The following DTD1 variants were observed in gnomAD, a reference collection of about 807,000 sequenced individuals.
DTD1 encodes the protein D-aminoacyl-tRNA deacylase 1, also known as D-tyrosyl-tRNA deacylase 1 homolog.
In DTD1, 13 loss-of-function variants were observed where a neutral mutation model predicts 25.6. The observed-to-expected ratio is 0.51, with a 90% CI of 0.33 to 0.81. DTD1 has a LOEUF of 0.81. DTD1 is among the 30% of genes least tolerant of loss of function. The probability of loss-of-function intolerance (pLI) is 0.02; values close to 1 mark genes in which losing one functional copy is unlikely to be tolerated. For missense variants in DTD1, 193 were observed against 266.4 expected (o/e 0.72, Z 1.92); for synonymous variants, 110 against 103.6 (o/e 1.06, Z -0.37).
intron 4 of DTD1, among the ~76,000 whole-genome samples, chr20:18,716,631 C>G (rs1406882766): frequency 6.6e-6 from 1 of 152,106 alleles, no homozygotes; most frequent in Non-Finnish European, 1.5e-5. Context: ...ATAGGCCAGC[C>G]TGTGGTGTTG....
At chr20:18,683,776 C>T (rs1456937783) in intron 4 of DTD1, among the ~76,000 whole-genome samples, 2 of 152,188 alleles carry the variant, frequency 1.3e-5, no homozygotes, top group South Asian at 2.1e-4. Flanking sequence ...AGGTGGGATA[C>T]GCATGCTCCA....
chr20:18,727,023 C>T lies in DTD1; in HGVS notation c.478-17077C>T, dbSNP rs1236034939. 5.3e-5 allele frequency among the ~76,000 whole-genome samples: 8 copies of T among 152,324 alleles called. No individual in the cohort carries two copies. In the East Asian group the frequency reaches 1.5e-3, roughly 29 times the overall value. On this transcript the variant is annotated intron_variant, in intron 4 of 5. Coordinates refer to ENST00000377452, the MANE Select transcript of DTD1 (RefSeq NM_080820.6). The stretch of plus-strand genomic sequence containing the variant: ...GAGAGTCTGTGAGGACGGGTGGACT[C>T]TTGGGTGCTGGGACCCGTGGCTATG...
At chr20:18,761,184 G>C (rs896917917) in intron 5 of DTD1, among the ~76,000 whole-genome samples, 1 of 152,094 alleles carries the variant, frequency 6.6e-6, no homozygotes, top group Non-Finnish European at 1.5e-5. Context: ...TGCGCTTCCC[G>C]GGCGAGGCGA....
rs9917459 is a variant in DTD1 at position 18,745,935 on chromosome 20, A to G, written c.*19+1664A>G. ...AGTGAGGCTGGAAGCAGATAGGCCCATTAGGAGGTGATTGCAGAAGTCCAG... is the reference window on the plus strand; with the variant it reads ...AGTGAGGCTGGAAGCAGATAGGCCCGTTAGGAGGTGATTGCAGAAGTCCAG... On this transcript the variant is annotated intron_variant, in intron 5 of 5. Transcript: ENST00000377452. 3.8e-3 allele frequency among the ~76,000 whole-genome samples: 573 copies of G among 152,322 alleles called. 3 individuals are homozygous for G. Among genetic ancestry groups the G allele is most frequent in the African/African-American group, 0.013 (554 of 41,570 alleles).
chr20:18,705,489 G>A (rs954416543), intron 4 of DTD1, among the ~76,000 whole-genome samples: 2 of 152,166 alleles, frequency 1.3e-5, no homozygotes, highest in Non-Finnish European at 2.9e-5. Context: ...AGCTTTAGGT[G>A]TTGTTCAAAA....
At chr20:18,657,441 A>G (rs1319845819) in intron 4 of DTD1, among the ~76,000 whole-genome samples, 2 of 152,256 alleles carry the variant, frequency 1.3e-5, no homozygotes, top group Admixed American at 1.3e-4. Context: ...AACTCAGACC[A>G]TCACTTTTCT....
At chr20:18,631,496 A>C in intron 4 of DTD1, 1 of 985,446 alleles carries the variant, frequency 1.0e-6, no homozygotes, top group Non-Finnish European at 1.2e-6. Flanking sequence ...ATTGGGTTTT[A>C]AATATGCCCA....
intron 3 of DTD1, among the ~76,000 whole-genome samples, chr20:18,608,256 T>C (rs1488371488): frequency 1.3e-5 from 2 of 151,384 alleles, no homozygotes; most frequent in Non-Finnish European, 2.9e-5. Flanking sequence ...TGTGTCCTCT[T>C]TTTTTTTTCT....
At chr20:18,653,883 C>A (rs1200969972) in intron 4 of DTD1, among the ~76,000 whole-genome samples, 1 of 152,220 alleles carries the variant, frequency 6.6e-6, no homozygotes, top group Non-Finnish European at 1.5e-5. Flanking sequence ...ATGCACATGA[C>A]CCTCACAGCC....
chr20:18,672,627 A>G (rs923287409), intron 4 of DTD1, among the ~76,000 whole-genome samples: 3 of 152,224 alleles, frequency 2.0e-5, no homozygotes, highest in African/African-American at 7.2e-5. Flanking sequence ...AAAATTCTCT[A>G]AGAATGAAAG....
At chr20:18,668,236 A>T (rs1346935304) in intron 4 of DTD1, among the ~76,000 whole-genome samples, 1 of 152,184 alleles carries the variant, frequency 6.6e-6, no homozygotes, top group Admixed American at 6.5e-5. Flanking sequence ...TTAGAAACAC[A>T]TTTTGGGCTA....
chr20:18,634,201 CTG>C (rs2060798936), intron 4 of DTD1, among the ~76,000 whole-genome samples: 1 of 152,182 alleles, frequency 6.6e-6, no homozygotes, highest in African/African-American at 2.4e-5. Flanking sequence ...CCTGCCATTT[CTG>C]TGATAGAAGC....
At chr20:18,693,760 C>T (rs1457887302) in intron 4 of DTD1, among the ~76,000 whole-genome samples, 1 of 152,118 alleles carries the variant, frequency 6.6e-6, no homozygotes. Context: ...GAAAGCAGCA[C>T]CCTTATCCCC....
At chr20:18,701,832 T>C (rs1231382834) in intron 4 of DTD1, among the ~76,000 whole-genome samples, 1 of 152,228 alleles carries the variant, frequency 6.6e-6, no homozygotes, top group Non-Finnish European at 1.5e-5. Context: ...TTTAAGTCTC[T>C]CGAATTGCCG....
At chr20:18,625,884 C>A (rs2060755489) in intron 3 of DTD1, among the ~76,000 whole-genome samples, 1 of 152,194 alleles carries the variant, frequency 6.6e-6, no homozygotes, top group Non-Finnish European at 1.5e-5. Flanking sequence ...CTGTCTAGTG[C>A]CCATGTCCCA....
intron 4 of DTD1, among the ~76,000 whole-genome samples, chr20:18,737,565 G>T (rs1447375824): frequency 6.6e-6 from 1 of 152,198 alleles, no homozygotes; most frequent in African/African-American, 2.4e-5. Context: ...GCCCGGGTCA[G>T]ACTCTGCTCC....
chr20:18,727,589 G>A (rs914311583), intron 4 of DTD1, among the ~76,000 whole-genome samples: 4 of 152,154 alleles, frequency 2.6e-5, no homozygotes, highest in Admixed American at 2.6e-4. Context: ...GTCCGCACAT[G>A]TGAAGTGCAC....
intron 5 of DTD1, among the ~76,000 whole-genome samples, chr20:18,748,627 C>T (rs6112087): frequency 0.24 from 36,417 of 151,980 alleles, 4,802 homozygotes; most frequent in East Asian, 0.35. Flanking sequence ...CAGGAGAACA[C>T]GCTCATAGAA....
chr20:18,663,517 G>A (rs1188831668), intron 4 of DTD1, among the ~76,000 whole-genome samples: 1 of 152,074 alleles, frequency 6.6e-6, no homozygotes, highest in African/African-American at 2.4e-5. Flanking sequence ...TCTATGCAGT[G>A]GTTCATCTAT....
Sources: allele counts gnomAD v4.1 joint callset (sites outside exome capture counted in the v4.1 genomes callset), GRCh38; gene constraint gnomAD v4.1.1; transcripts MANE v1.5; gene names NCBI Gene and HGNC (gene_info 2026-07-23, HGNC 2026-07-21).